The following CD9 variants were observed in gnomAD, a reference collection of about 807,000 sequenced individuals.
CD9 encodes CD9 molecule.
CD9 carries 10 observed loss-of-function variants against 31.4 expected under a neutral mutation model. The ratio of observed to expected loss-of-function variants is 0.32; its 90% CI spans 0.20 to 0.54. The LOEUF (loss-of-function observed/expected upper bound fraction) is 0.54. CD9 is among the 20% of genes least tolerant of loss of function. The pLI, the probability that CD9 is intolerant of heterozygous loss-of-function variation, is 0.94. For synonymous variants in CD9, 113 were observed against 114.1 expected, an observed-to-expected ratio of 0.99 and a Z score of 0.06; for missense variants, 259 against 300.1, an observed-to-expected ratio of 0.86 and a Z score of 1.01.
intron 1 of CD9, among the ~76,000 whole-genome samples, chr12:6,210,032 A>G (rs1253917851): frequency 6.6e-6 from 1 of 152,178 alleles, no homozygotes; most frequent in Non-Finnish European, 1.5e-5. Flanking sequence ...TAGGATGAGG[A>G]GGGACACTTT....
chr12:6,236,181 G>A lies in CD9; in HGVS notation c.538-11G>A. On this transcript the variant is annotated splice_polypyrimidine_tract_variant and intron_variant, in intron 6 of 7. Coordinates refer to ENST00000009180, the MANE Select transcript of CD9 (RefSeq NM_001769.4). ...TTGTGTGTGACCCAGGTCTTGGTTTGTCTCCCCAAGTCCTGTCCTGATGCC... is the reference window on the plus strand; with the variant it reads ...TTGTGTGTGACCCAGGTCTTGGTTTATCTCCCCAAGTCCTGTCCTGATGCC... The A allele has an allele frequency of 6.2e-7, 1 of 1,614,098 alleles. No homozygotes were observed. The highest frequency in any genetic ancestry group is 8.5e-7 in the Non-Finnish European group (1 of 1,179,964).
chr12:6,211,800 G>A (rs556915189), intron 1 of CD9, among the ~76,000 whole-genome samples: 31 of 152,220 alleles, frequency 2.0e-4, no homozygotes, highest in Non-Finnish European at 3.7e-4. Flanking sequence ...TGTATGCTAC[G>A]CGTCTGGCAA....
chr12:6,200,561 T>C lies in CD9; in HGVS notation c.62T>C (p.Phe21Ser), dbSNP rs1197056678. Reference protein sequence around the residue: ...KYLLFGFNFIFWLAGIAVLAI... With the variant: ...KYLLFGFNFISWLAGIAVLAI... ...CTGCTGTTCGGATTTAACTTCATCT[T>C]CTGGGTGAGTGAGCGCGACTGCCGC... Residue 21 changes from phenylalanine (F) to serine (S), a missense_variant, in exon 1 of 8, where the codon TTC (phenylalanine) becomes TCC (serine). By Grantham distance (155) the Phe-to-Ser change is radical. Coordinates refer to ENST00000009180, the MANE Select transcript of CD9 (RefSeq NM_001769.4). 6.2e-7 allele frequency: 1 copy of C among 1,605,962 alleles called. No homozygotes were observed. The highest frequency in any genetic ancestry group is 8.5e-7 in the Non-Finnish European group (1 of 1,173,870).
At chr12:6,225,629 TG>T in intron 2 of CD9, 95 bp downstream of exon 2, 1 of 763,104 alleles carries the variant, frequency 1.3e-6, no homozygotes. Context: ...GACTTGGGCT[TG>T]GGAAAGACTT....
At position 6,232,851 on chromosome 12, in the gene CD9, C is replaced by T. The variant is rs1946466696; in HGVS notation, c.273+122C>T. On this transcript the variant is annotated intron_variant, in intron 3 of 7. Coordinates refer to ENST00000009180, the MANE Select transcript of CD9 (RefSeq NM_001769.4). This position sits in a 1 kb window ranked among gnomAD's most constrained non-coding sequence, Gnocchi z 4.8. ...TGGGGTCAGGAAGGTACCCAAAGGGCATGAGCTGTCCTCAGCCTGGGCCCC... is the reference window on the plus strand; with the variant it reads ...TGGGGTCAGGAAGGTACCCAAAGGGTATGAGCTGTCCTCAGCCTGGGCCCC... 4 of 738,490 alleles carry T rather than the reference C, an allele frequency of 5.4e-6. No homozygotes were observed. The South Asian group carries it at 5.9e-5, about 11-fold the overall frequency. 45.7% of individuals were successfully genotyped at this position (738,490 alleles called of 1,614,324 possible).
chr12:6,236,647 T>C (rs1242788258), intron 7 of CD9: 1 of 421,904 alleles, frequency 2.4e-6, no homozygotes, highest in Admixed American at 3.9e-5. Flanking sequence ...GCGTGGGAAT[T>C]GTTCCATTTC....
At chr12:6,237,064 C>T (rs555831815) in intron 7 of CD9, among the ~76,000 whole-genome samples, 82 of 152,216 alleles carry the variant, frequency 5.4e-4, no homozygotes, top group African/African-American at 1.7e-3. Flanking sequence ...CTGCAACCTC[C>T]GCCTCTCTGG....
chr12:6,210,777 A>G (rs1053029303), intron 1 of CD9, among the ~76,000 whole-genome samples: 1 of 151,920 alleles, frequency 6.6e-6, no homozygotes, highest in Non-Finnish European at 1.5e-5. Flanking sequence ...CAGTCAGACC[A>G]TTCTGGGTTC....
At position 6,209,345 on chromosome 12, in the gene CD9, T is replaced by A. The variant is rs192686812; in HGVS notation, c.66+8780T>A. 3.0e-3 allele frequency among the ~76,000 whole-genome samples: 460 copies of A among 152,310 alleles called. 2 individuals are homozygous for A. Among genetic ancestry groups the A allele is most frequent in the Non-Finnish European group, 4.9e-3 (333 of 68,020 alleles). On this transcript the variant is annotated intron_variant, in intron 1 of 7. Transcript: ENST00000009180. Reference sequence around the variant, plus strand: ...GTAGGTGGGCAGTTGCAGTGTGTAGTGTGCATGCACACCCCAGATTTATGC... The same window carrying A: ...GTAGGTGGGCAGTTGCAGTGTGTAGAGTGCATGCACACCCCAGATTTATGC...
Position 6,232,839 on chromosome 12 carries a change from G to C in CD9, c.273+110G>C, listed in dbSNP as rs936571507. The C allele has an allele frequency of 1.7e-5, 13 of 773,810 alleles. No homozygotes were observed. The highest frequency in any genetic ancestry group is 2.9e-5 in the Non-Finnish European group (13 of 450,280). 47.9% of individuals were successfully genotyped at this position (773,810 alleles called of 1,614,324 possible). ...GATGGAGGGGGATGGGGTCAGGAAG[G>C]TACCCAAAGGGCATGAGCTGTCCTC... On this transcript the variant is annotated intron_variant, in intron 3 of 7. Coordinates refer to ENST00000009180, the MANE Select transcript of CD9 (RefSeq NM_001769.4). The surrounding 1 kb of genome is among the most constrained non-coding windows in gnomAD (Gnocchi z 4.8).
In CD9 at chr12:6,206,582, C is replaced by A. The variant is rs1298555534; in HGVS notation, c.66+6017C>A. On this transcript the variant is annotated intron_variant, in intron 1 of 7. Coordinates refer to ENST00000009180, the MANE Select transcript of CD9 (RefSeq NM_001769.4). ...TACAGATTACTTGCCTGTTTTATTC[C>A]ATGGAAAAAGTCATGCTGGTCCAGG... Among the ~76,000 whole-genome samples, 3 of 152,256 alleles carry A rather than the reference C, an allele frequency of 2.0e-5. No homozygotes were observed. The East Asian group carries it at 5.8e-4, about 29-fold the overall frequency.
At chr12:6,200,343 G>T (rs1489128349), upstream of CD9, 11 of 425,134 alleles carry the variant, frequency 2.6e-5, no homozygotes, top group Admixed American at 4.2e-4. Flanking sequence ...GCACCGCAGC[G>T]GGTCGCGCGC....
intron 6 of CD9, 141 bp downstream of exon 6, chr12:6,235,706 C>G (rs947180560): frequency 7.0e-7 from 1 of 1,433,984 alleles, no homozygotes; most frequent in Non-Finnish European, 9.1e-7. Flanking sequence ...CCATCTCTTT[C>G]TCTCCCACTT....
At chr12:6,210,284 C>T (rs999265345) in intron 1 of CD9, among the ~76,000 whole-genome samples, 1 of 152,214 alleles carries the variant, frequency 6.6e-6, no homozygotes, top group African/African-American at 2.4e-5. Context: ...GGACACAATG[C>T]CAATGGGCAG....
intron 1 of CD9, 100 bp from the exon 2 acceptor site, chr12:6,225,326 G>T: frequency 1.3e-6 from 1 of 765,876 alleles, no homozygotes. Flanking sequence ...AGAGACCAAG[G>T]GTGGTCACAA....
At chr12:6,215,958 C>G (rs1392535717) in intron 1 of CD9, among the ~76,000 whole-genome samples, 1 of 152,184 alleles carries the variant, frequency 6.6e-6, no homozygotes, top group Admixed American at 6.5e-5. Context: ...AGCCTCTAGT[C>G]CTGCCCAAGT....
intron 1 of CD9, among the ~76,000 whole-genome samples, chr12:6,207,612 C>A (rs117927527): frequency 1.3e-5 from 2 of 152,332 alleles, no homozygotes; most frequent in East Asian, 3.9e-4. Context: ...TCCTTCCCTC[C>A]AAATGCAGAC....
At chr12:6,208,275 G>A (rs1946154591) in intron 1 of CD9, among the ~76,000 whole-genome samples, 1 of 150,412 alleles carries the variant, frequency 6.6e-6, no homozygotes, top group Non-Finnish European at 1.5e-5. Flanking sequence ...CTTACCCAAT[G>A]CACATCCAAG....
chr12:6,203,371 C>T (rs1408232002), intron 1 of CD9, among the ~76,000 whole-genome samples: 2 of 152,180 alleles, frequency 1.3e-5, no homozygotes, highest in East Asian at 1.9e-4. Context: ...TCTCTTGAGA[C>T]CAGACATTTA....
Sources: allele counts gnomAD v4.1 joint callset (sites outside exome capture counted in the v4.1 genomes callset), GRCh38; gene constraint gnomAD v4.1.1; non-coding constraint Gnocchi (gnomAD v3.1); transcripts MANE v1.5; gene names NCBI Gene and HGNC (gene_info 2026-07-23, HGNC 2026-07-21).